Variants in RIMS1 observed in about 807,000 individuals in gnomAD.
The protein encoded by RIMS1 is regulating synaptic membrane exocytosis protein 1.
A neutral mutation model predicts 214.1 loss-of-function variants in RIMS1; 83 were observed. The observed-to-expected ratio is 0.39, with a 90% CI of 0.32 to 0.47. The LOEUF (loss-of-function observed/expected upper bound fraction) is 0.47, where lower values mean the gene tolerates loss of function less well. Among genes scored for constraint, RIMS1 ranks in the 20% least tolerant of loss-of-function variants. The probability of loss-of-function intolerance (pLI) is 0.99; values close to 1 mark genes in which losing one functional copy is unlikely to be tolerated. For missense variants in RIMS1, 2,050 were observed against 2,161.8 expected (o/e 0.95, Z 1.03); for synonymous variants, 793 against 786.8 (o/e 1.01, Z -0.13).
intron 2 of RIMS1, among the ~76,000 whole-genome samples, chr6:72,008,702 C>G (rs1295256429): frequency 1.3e-5 from 2 of 152,064 alleles, no homozygotes; most frequent in Non-Finnish European, 2.9e-5. Context: ...GACTGTAAAC[C>G]AACAAACATC....
intron 29 of RIMS1, among the ~76,000 whole-genome samples, chr6:72,341,845 T>A (rs964353342): frequency 2.0e-5 from 3 of 151,844 alleles, no homozygotes; most frequent in African/African-American, 7.2e-5. Flanking sequence ...AAATTATTTA[T>A]TATATCATTA....
chr6:72,074,807 C>G (rs1831401893), intron 2 of RIMS1, among the ~76,000 whole-genome samples: 1 of 152,150 alleles, frequency 6.6e-6, no homozygotes, highest in African/African-American at 2.4e-5. Flanking sequence ...ACAGTAAGTA[C>G]TTTCCAAGGG....
At position 72,287,871 on chromosome 6, in the gene RIMS1, C is replaced by T. The variant is rs183737697; in HGVS notation, c.3555-2808C>T. Among the ~76,000 whole-genome samples the T allele has an allele frequency of 2.3e-3, 343 of 152,226 alleles. 3 individuals carry two copies. Among genetic ancestry groups the T allele is most frequent in the Non-Finnish European group, 1.6e-3 (112 of 67,994 alleles). On this transcript the variant is annotated intron_variant, in intron 24 of 33. Transcript: ENST00000521978. ...CCTCCCATAGTGGCATGAGCCACCA[C>T]GCGCGGCCGCAAACCTCATTTTTTA...
At chr6:71,895,756 T>C (rs1036107883) in intron 1 of RIMS1, among the ~76,000 whole-genome samples, 8 of 150,316 alleles carry the variant, frequency 5.3e-5, no homozygotes, top group Non-Finnish European at 3.0e-5. Context: ...TTGTTTTCAA[T>C]TTATGTGGTT....
At chr6:72,206,587 C>T (rs1052252370) in intron 6 of RIMS1, among the ~76,000 whole-genome samples, 2 of 152,022 alleles carry the variant, frequency 1.3e-5, no homozygotes, top group African/African-American at 2.4e-5. Context: ...TTTCAGTGAG[C>T]GTCTGGGGGT....
rs763112528 is a variant in RIMS1 at position 72,183,006 on chromosome 6, C to T, written c.1535C>T (p.Ser512Phe). Residue 512 changes from serine (S) to phenylalanine (F), a missense_variant, in exon 6 of 34, where the codon TCC (serine) becomes TTC (phenylalanine). Transcript: ENST00000521978. ...SSDQSESVRP[S>F]PPKPHRSKRG... The stretch of plus-strand genomic sequence containing the variant: ...GACCAGTCCGAGTCGGTGCGGCCGT[C>T]CCCGCCCAAGCCGCACCGGTCCAAG... 6 of 1,597,156 alleles carry T rather than the reference C, an allele frequency of 3.8e-6. No homozygotes were observed. The highest frequency in any genetic ancestry group is 5.1e-6 in the Non-Finnish European group (6 of 1,173,094).
chr6:72,317,956 C>A (rs931224066), intron 28 of RIMS1, among the ~76,000 whole-genome samples: 5 of 152,066 alleles, frequency 3.3e-5, no homozygotes, highest in African/African-American at 7.2e-5. Context: ...GCGATTTAAC[C>A]TTTTATCATT....
intron 19 of RIMS1, 151 bp downstream of exon 19, chr6:72,260,918 T>C: frequency 6.7e-7 from 1 of 1,490,682 alleles, no homozygotes; most frequent in Admixed American, 2.1e-5. Context: ...ATTGAGGTTA[T>C]GGAAAAGGTT....
chr6:72,101,974 C>T (rs951408664), intron 4 of RIMS1, among the ~76,000 whole-genome samples: 1 of 151,924 alleles, frequency 6.6e-6, no homozygotes, highest in Admixed American at 6.6e-5. Flanking sequence ...CAAGTGCACA[C>T]TCTCATTGGC....
chr6:71,889,103 G>A (rs1482169168), intron 1 of RIMS1, among the ~76,000 whole-genome samples: 5 of 152,188 alleles, frequency 3.3e-5, no homozygotes, highest in Non-Finnish European at 5.9e-5. Flanking sequence ...CAGACAGCAG[G>A]TGGATGGAGG....
chr6:71,974,444 C>A (rs76534940), intron 2 of RIMS1, among the ~76,000 whole-genome samples: 1 of 151,976 alleles, frequency 6.6e-6, no homozygotes, highest in Non-Finnish European at 1.5e-5. Context: ...TTTAATACTG[C>A]GTTTTATTTT....
intron 2 of RIMS1, among the ~76,000 whole-genome samples, chr6:72,086,320 A>G (rs1458235083): frequency 6.6e-6 from 1 of 152,148 alleles, no homozygotes; most frequent in Non-Finnish European, 1.5e-5. Context: ...TGTTAGGTGA[A>G]AAATTCACCT....
chr6:71,985,284 G>A (rs1005057956), intron 2 of RIMS1, among the ~76,000 whole-genome samples: 5 of 151,966 alleles, frequency 3.3e-5, no homozygotes, highest in East Asian at 1.9e-4. Flanking sequence ...CCAGCTACTC[G>A]GGAGGCTGCG....
At chr6:72,054,120 C>T (rs1029638231) in intron 2 of RIMS1, among the ~76,000 whole-genome samples, 2 of 151,870 alleles carry the variant, frequency 1.3e-5, no homozygotes, top group Non-Finnish European at 2.9e-5. Flanking sequence ...TTGTTCCCCT[C>T]CCTTTGTCCA....
chr6:72,196,852 CT>C (rs11285853), intron 6 of RIMS1, among the ~76,000 whole-genome samples: 150,544 of 151,844 alleles, frequency 0.99, 74,646 homozygotes, highest in Middle Eastern at 1. Flanking sequence ...CATAAAGCAT[CT>C]TTGTGAAGAC....
At chr6:72,393,055 T>G (rs2098725175) in intron 31 of RIMS1, among the ~76,000 whole-genome samples, 1 of 147,626 alleles carries the variant, frequency 6.8e-6, no homozygotes, top group African/African-American at 2.5e-5. Context: ...TAGATGTAAA[T>G]GTAGGACATG....
intron 15 of RIMS1, among the ~76,000 whole-genome samples, chr6:72,251,632 G>T (rs74325020): frequency 1.8e-4 from 27 of 152,240 alleles, no homozygotes; most frequent in African/African-American, 6.3e-4. Flanking sequence ...TGAGCTGTTG[G>T]TTATTGACTG....
At chr6:72,313,801 G>GTAGTATTGCCAACAGAATGTT (rs370948624) in intron 28 of RIMS1, 129 bp downstream of exon 28, 206 of 896,006 alleles carry the variant, frequency 2.3e-4, no homozygotes, top group Middle Eastern at 1.7e-3. Context: ...CGACTACTAT[G>GTAGTATTGCCAACAGAATGTT]TAGTATTGCC....
rs1473901734 is a variant in RIMS1, at chr6:72,159,368, TC to T, written c.472-20206del. 1.4e-5 allele frequency among the ~76,000 whole-genome samples: 2 copies of T among 140,758 alleles called. 1 individual carries two copies. Among genetic ancestry groups the T allele is most frequent in the Non-Finnish European group, 3.2e-5 (2 of 61,986 alleles). The allele number at this position is 140,758 out of a possible 152,430, so 92.3% of individuals were successfully genotyped here. The stretch of plus-strand genomic sequence containing the variant: ...TTGCCTGTTCACTCTGACGGTAGTT[TC>T]TTTTGCTGTGCAGAAGCTCTTTAGT... On this transcript the variant is annotated intron_variant, in intron 4 of 33. Coordinates refer to ENST00000521978, the MANE Select transcript of RIMS1 (RefSeq NM_014989.7).
Sources: allele counts gnomAD v4.1 joint callset (sites outside exome capture counted in the v4.1 genomes callset), GRCh38; gene constraint gnomAD v4.1.1; transcripts MANE v1.5; gene names NCBI Gene and HGNC (gene_info 2026-07-23, HGNC 2026-07-21).